KIF21B: variants seen among roughly 807,000 people sequenced by gnomAD.
KIF21B encodes kinesin family member 21B, also known as kinesin-like protein KIF21B.
A neutral mutation model predicts 192.9 loss-of-function variants in KIF21B; 85 were observed. The ratio of observed to expected loss-of-function variants is 0.44; its 90% CI spans 0.37 to 0.53. The LOEUF (loss-of-function observed/expected upper bound fraction) is 0.53. KIF21B is among the 20% of genes least tolerant of loss of function. KIF21B has a pLI of 0.00. For missense variants in KIF21B, 1,716 were observed against 2,194.8 expected (o/e 0.78, Z 4.36); for synonymous variants, 832 against 884.6 (o/e 0.94, Z 1.05).
rs763830047 is a variant in KIF21B at position 200,988,933 on chromosome 1, T to TG, written c.3133-3dup. The stretch of plus-strand genomic sequence containing the variant: ...TTCCTTTTGTGCCACTTGCAGCCCC[T>TG]GGGGGCAGGGAACAAAGCCTGGAGT... On this transcript the variant is annotated splice_polypyrimidine_tract_variant and splice_region_variant and intron_variant, in intron 21 of 34. Coordinates refer to ENST00000461742, the MANE Select transcript of KIF21B (RefSeq NM_001252102.2). 2.5e-6 allele frequency: 4 copies of TG among 1,607,790 alleles called. No individual in the cohort carries two copies. The African/African-American group carries it at 5.3e-5, about 22-fold the overall frequency.
chr1:200,991,535 A>G, intron 17 of KIF21B, 122 bp downstream of exon 17: 2 of 1,016,974 alleles, frequency 2.0e-6, no homozygotes, highest in Non-Finnish European at 3.0e-6. Context: ...AGAACTGGGA[A>G]ATACCGCCTT....
At position 201,004,753 on chromosome 1, in the gene KIF21B, A is replaced by C. The variant is rs1376700525; in HGVS notation, c.900+13T>G. 5.0e-6 allele frequency: 8 copies of C among 1,613,820 alleles called. No individual in the cohort carries two copies. The highest frequency in any genetic ancestry group is 6.8e-6 in the Non-Finnish European group (8 of 1,179,992). On this transcript the variant is annotated intron_variant, in intron 6 of 34. Transcript: ENST00000461742. ...GTGTGGGTGCTGGGGCTGATGACCC[A>C]CCATGTGCCTACCAGGCCACAGTTG... is the stretch of plus-strand genomic sequence containing the variant.
At chr1:201,002,715 T>G in intron 8 of KIF21B, 1 of 218,870 alleles carries the variant, frequency 4.6e-6, no homozygotes, top group Non-Finnish European at 9.3e-6. Context: ...TGTAAGACAA[T>G]AGGGAGTGGT....
At chr1:201,007,299 T>A (rs1263699105) in intron 3 of KIF21B, among the ~76,000 whole-genome samples, 1 of 29,902 alleles carries the variant, frequency 3.3e-5, no homozygotes, top group Non-Finnish European at 6.3e-5. Context: ...GACACAGAGA[T>A]ACACAGACAC....
chr1:200,976,418 A>G (rs895915386), intron 32 of KIF21B, among the ~76,000 whole-genome samples: 1 of 152,146 alleles, frequency 6.6e-6, no homozygotes, highest in Non-Finnish European at 1.5e-5. Context: ...CTGACTGTGT[A>G]TGGACAGTTT....
chr1:200,973,105 G>T lies in KIF21B; in HGVS notation c.*416C>A, dbSNP rs1248702068. 2 of 172,574 alleles carry T rather than the reference G, an allele frequency of 1.2e-5. No individual in the cohort carries two copies. The highest frequency in any genetic ancestry group is 2.4e-5 in the Non-Finnish European group (2 of 81,852). 10.7% of individuals were successfully genotyped at this position (172,574 alleles called of 1,614,324 possible). ...GCAGGTGCAGTGGCTCTAGAGGCTG[G>T]GCTGGGAGAAGCGGGGAGGCCAGCT... On this transcript the variant is annotated 3_prime_UTR_variant, in exon 35 of 35. Transcript: ENST00000461742.
intron 3 of KIF21B, among the ~76,000 whole-genome samples, chr1:201,006,418 T>C (rs1571957701): frequency 6.7e-6 from 1 of 148,794 alleles, no homozygotes; most frequent in Non-Finnish European, 1.5e-5. Context: ...GGCTGGGGAG[T>C]GGAATAAGGG....
Position 201,002,358 on chromosome 1 carries a change from C to T in KIF21B, c.1213-8G>A. The T allele has an allele frequency of 6.2e-7, 1 of 1,609,704 alleles. No homozygotes were observed. The highest frequency in any genetic ancestry group is 2.2e-5 in the East Asian group (1 of 44,776). The stretch of plus-strand genomic sequence containing the variant: ...TCCTATCACTCGCTTGCCCTGGGAG[C>T]AGGGGCAAAGGGGAGCAGTCAGGCA... On this transcript the variant is annotated splice_region_variant and splice_polypyrimidine_tract_variant and intron_variant, in intron 8 of 34. Transcript: ENST00000461742.
chr1:200,994,332 C>T (rs1229415006), intron 15 of KIF21B, among the ~76,000 whole-genome samples: 2 of 152,216 alleles, frequency 1.3e-5, no homozygotes, highest in Non-Finnish European at 2.9e-5. Context: ...ATCGCTGGGG[C>T]CCTGTAGCTG....
rs375719352 is a variant in KIF21B at position 201,000,349 on chromosome 1, G to A, written c.1685+41C>T. 4.6e-6 allele frequency: 7 copies of A among 1,514,304 alleles called. No homozygotes were observed. The highest frequency in any genetic ancestry group is 2.8e-5 in the African/African-American group (2 of 71,592). 93.8% of individuals were successfully genotyped at this position (1,514,304 alleles called of 1,614,324 possible). On this transcript the variant is annotated intron_variant, in intron 11 of 34. Transcript: ENST00000461742. The surrounding 1 kb of genome is among the most constrained non-coding windows in gnomAD (Gnocchi z 6.0). ...GGGGACGGGCAGGGTCCACTGGGGC[G>A]GTCTGAGGGCTCTCAGGGGCGGGGA...
rs529189089 is a variant in KIF21B at position 200,991,229 on chromosome 1, G to T, written c.2455-80C>A. On this transcript the variant is annotated intron_variant, in intron 17 of 34. Transcript: ENST00000461742. ...ACAGAAGGGCCCAGGTTGGGGTGCC[G>T]GGCAGCAGGAACACAGAGGCTGCTC... is the stretch of plus-strand genomic sequence containing the variant. 7.1e-5 allele frequency: 81 copies of T among 1,147,170 alleles called. No homozygotes were observed. In the Middle Eastern group the frequency reaches 1.1e-3, roughly 16 times the overall value. 71.1% of individuals were successfully genotyped at this position (1,147,170 alleles called of 1,614,324 possible). A position where few individuals can be genotyped will look rare whatever the true frequency, so the allele number is the denominator to read the frequency against.
At chr1:201,016,658 T>C in intron 1 of KIF21B, among the ~76,000 whole-genome samples, 1 of 152,170 alleles carries the variant, frequency 6.6e-6, no homozygotes, top group East Asian at 1.9e-4. Context: ...GTGCTTGCCC[T>C]TTTAGCTGCA....
intron 5 of KIF21B, 151 bp downstream of exon 5, chr1:201,005,157 C>T (rs1657735674): frequency 1.7e-6 from 2 of 1,197,126 alleles, no homozygotes; most frequent in Admixed American, 5.2e-5. Context: ...ACAAATTGGG[C>T]AACAAGGCTC....
intron 1 of KIF21B, among the ~76,000 whole-genome samples, chr1:201,019,874 T>G (rs1658722058): frequency 1.3e-5 from 2 of 152,156 alleles, no homozygotes; most frequent in Non-Finnish European, 2.9e-5. Context: ...TCTTCTTCAG[T>G]CTTTCTCTCC....
intron 8 of KIF21B, chr1:201,002,596 A>C: frequency 2.0e-6 from 1 of 495,430 alleles, no homozygotes; most frequent in Non-Finnish European, 3.6e-6. Flanking sequence ...GCCTCTCACA[A>C]TCTTACTTGA....
Position 200,988,285 on chromosome 1 carries a change from G to A in KIF21B, c.3408+11C>T. The A allele has an allele frequency of 6.2e-7, 1 of 1,613,400 alleles. No individual in the cohort carries two copies. ...TGCTGCACCCACTGCCTGACTTCCG[G>A]CGGGGCTCACCTTGAACTTGAAATC... On this transcript the variant is annotated intron_variant, in intron 24 of 34. Transcript: ENST00000461742.
intron 1 of KIF21B, among the ~76,000 whole-genome samples, chr1:201,020,228 C>G (rs1658739405): frequency 6.6e-6 from 1 of 152,178 alleles, no homozygotes; most frequent in African/African-American, 2.4e-5. Flanking sequence ...TTGAAAGGGT[C>G]TTAAACAAAT....
Position 201,000,344 on chromosome 1 carries a change from G to A in KIF21B, c.1685+46C>T, listed in dbSNP as rs1026443154. The A allele has an allele frequency of 6.6e-7, 1 of 1,506,026 alleles. No individual in the cohort carries two copies. Among genetic ancestry groups the A allele is most frequent in the South Asian group, 1.3e-5 (1 of 77,260 alleles). 93.3% of individuals were successfully genotyped at this position (1,506,026 alleles called of 1,614,324 possible). ...TCCTTGGGGACGGGCAGGGTCCACTGGGGCGGTCTGAGGGCTCTCAGGGGC... is the reference window on the plus strand; with the variant it reads ...TCCTTGGGGACGGGCAGGGTCCACTAGGGCGGTCTGAGGGCTCTCAGGGGC... On this transcript the variant is annotated intron_variant, in intron 11 of 34. Coordinates refer to ENST00000461742, the MANE Select transcript of KIF21B (RefSeq NM_001252102.2). This position sits in a 1 kb window ranked among gnomAD's most constrained non-coding sequence, Gnocchi z 6.0.
chr1:200,972,673 G>C lies in KIF21B; in HGVS notation c.*848C>G, dbSNP rs545936747. 4 of 152,776 alleles carry C rather than the reference G, an allele frequency of 2.6e-5. No individual in the cohort carries two copies. The highest frequency in any genetic ancestry group is 2.0e-4 in the Admixed American group (3 of 15,300). 9.5% of individuals were successfully genotyped at this position (152,776 alleles called of 1,614,324 possible). ...TAGAAGACTCCCTGGGGGCTGTGTC[G>C]GGGACAGGCCTGAGCTGCAGAGTCG... On this transcript the variant is annotated 3_prime_UTR_variant, in exon 35 of 35. Transcript: ENST00000461742.
Sources: allele counts gnomAD v4.1 joint callset (sites outside exome capture counted in the v4.1 genomes callset), GRCh38; gene constraint gnomAD v4.1.1; non-coding constraint Gnocchi (gnomAD v3.1); transcripts MANE v1.5; gene names NCBI Gene and HGNC (gene_info 2026-07-23, HGNC 2026-07-21).